DGKI: variants seen among roughly 807,000 people sequenced by gnomAD.
DGKI encodes DAG kinase iota.
In DGKI, 55 loss-of-function variants were observed where a neutral mutation model predicts 147.5. The observed-to-expected ratio is 0.37, with a 90% CI of 0.30 to 0.47. The LOEUF (loss-of-function observed/expected upper bound fraction) is 0.47, where lower values mean the gene tolerates loss of function less well. Among genes scored for constraint, DGKI ranks in the 20% least tolerant of loss-of-function variants. The pLI is 1.00. For synonymous variants in DGKI, 469 were observed against 477.1 expected (o/e 0.98, Z 0.22); for missense variants, 1,007 against 1,323.8 (o/e 0.76, Z 3.71).
At chr7:137,748,996 T>C (rs2116746573) in intron 1 of DGKI, among the ~76,000 whole-genome samples, 1 of 152,348 alleles carries the variant, frequency 6.6e-6, no homozygotes, top group Non-Finnish European at 1.5e-5. Context: ...TAACAGCAAC[T>C]GGTGATTATA....
intron 1 of DGKI, chr7:137,721,991 C>T (rs561075929): frequency 2.8e-5 from 44 of 1,549,266 alleles, no homozygotes; most frequent in African/African-American, 1.4e-4. Context: ...TGCAAGATGG[C>T]GGGTGAAAAA....
chr7:137,593,973 G>A (rs1819704337), intron 12 of DGKI, among the ~76,000 whole-genome samples: 1 of 152,158 alleles, frequency 6.6e-6, no homozygotes, highest in South Asian at 2.1e-4. Flanking sequence ...AAAGGTCACA[G>A]AAATGAGAGC....
At chr7:137,628,421 G>A (rs571712909) in intron 6 of DGKI, among the ~76,000 whole-genome samples, 37 of 152,272 alleles carry the variant, frequency 2.4e-4, no homozygotes, top group African/African-American at 8.7e-4. Context: ...CTAACACAGA[G>A]ACATAAATAG....
chr7:137,752,629 T>C (rs1302699608), intron 1 of DGKI, among the ~76,000 whole-genome samples: 5 of 152,204 alleles, frequency 3.3e-5, no homozygotes, highest in Non-Finnish European at 7.3e-5. Flanking sequence ...TGAAAATCCC[T>C]GTCCTGTTCT....
At chr7:137,540,941 T>C (rs1563075888) in intron 20 of DGKI, among the ~76,000 whole-genome samples, 1 of 152,014 alleles carries the variant, frequency 6.6e-6, no homozygotes, top group African/African-American at 2.4e-5. Flanking sequence ...CTCAACACAG[T>C]AAAGATATCA....
chr7:137,406,391 A>C (rs1176316962), intron 30 of DGKI, among the ~76,000 whole-genome samples: 2 of 152,146 alleles, frequency 1.3e-5, no homozygotes, highest in African/African-American at 2.4e-5. Context: ...AATACATCCT[A>C]TCTACCTAGG....
intron 1 of DGKI, among the ~76,000 whole-genome samples, chr7:137,767,457 AAAGAG>A (rs1796044939): frequency 1.8e-5 from 2 of 111,122 alleles, no homozygotes; most frequent in Admixed American, 9.4e-5. Context: ...AAGAGTTCCA[AAAGAG>A]AAGAGAAGGG....
At chr7:137,770,273 A>G (rs1399887521) in intron 1 of DGKI, among the ~76,000 whole-genome samples, 1 of 152,060 alleles carries the variant, frequency 6.6e-6, no homozygotes, top group Admixed American at 6.5e-5. Flanking sequence ...CAATGAGAAC[A>G]CATGGACACA....
intron 30 of DGKI, among the ~76,000 whole-genome samples, chr7:137,403,658 T>C (rs1188011244): frequency 6.6e-6 from 1 of 152,206 alleles, no homozygotes; most frequent in Admixed American, 6.5e-5. Flanking sequence ...TTGCTATTAC[T>C]AAAGGCATCC....
Position 137,577,243 on chromosome 7 carries a change from T to C in DGKI, c.1740A>G (p.Leu580=), listed in dbSNP as rs1819016056. ...TTACAACAACTTTAACATGTTTGGA[T>C]AGATCTCTAGAACTTCTCTGTAGGA... ...SDFLQRSSRD[L]SKHVKVVCDG... is the part of the protein sequence containing the mutation. The change falls in exon 17 of 33, where the codon CTA becomes CTG. Residue 580 remains leucine, a synonymous_variant. Coordinates refer to ENST00000614521, the MANE Select transcript of DGKI (RefSeq NM_001321708.2). The C allele has an allele frequency of 2.5e-6, 4 of 1,599,152 alleles. No homozygotes were observed. In the South Asian group the frequency reaches 3.4e-5, roughly 13 times the overall value.
rs1811342770 is a variant in DGKI at position 137,391,077 on chromosome 7, G to T, written c.*143C>A. The T allele has an allele frequency of 1.4e-6, 1 of 713,038 alleles. No homozygotes were observed. Among genetic ancestry groups the T allele is most frequent in the Admixed American group, 2.1e-5 (1 of 48,564 alleles). 44.2% of individuals were successfully genotyped at this position (713,038 alleles called of 1,614,324 possible). On this transcript the variant is annotated 3_prime_UTR_variant, in exon 33 of 33. Transcript: ENST00000614521. Reference sequence around the variant, plus strand: ...TTGTACATCTTGGTAGCCCTTAAAAGCTAGTGGCATGGTCTCAGGTAGATT... The same window carrying T: ...TTGTACATCTTGGTAGCCCTTAAAATCTAGTGGCATGGTCTCAGGTAGATT...
chr7:137,611,561 C>T (rs746506107), intron 8 of DGKI, among the ~76,000 whole-genome samples: 12 of 152,058 alleles, frequency 7.9e-5, no homozygotes, highest in Admixed American at 2.0e-4. Context: ...AGATCAGTGA[C>T]CTTGGCCAAG....
At position 137,846,497 on chromosome 7, in the gene DGKI, C is replaced by A. The variant is rs941903997; in HGVS notation, c.366G>T (p.Leu122=). ...KEKDEALEEK[L]RNLTFRKQVS... ...CCTGCTTCCGGAAAGTTAAGTTCCT[C>A]AGCTTCTCCTCCAGCGCTTCGTCCT... Residue 122 remains leucine (L), a synonymous_variant, in exon 1 of 33, where the codon CTG becomes CTT. Transcript: ENST00000614521. This position sits in a 1 kb window ranked among gnomAD's most constrained non-coding sequence, Gnocchi z 4.0. The A allele has an allele frequency of 6.3e-7, 1 of 1,591,492 alleles. No individual in the cohort carries two copies. The highest frequency in any genetic ancestry group is 8.5e-7 in the Non-Finnish European group (1 of 1,171,218).
intron 10 of DGKI, among the ~76,000 whole-genome samples, chr7:137,603,328 A>C (rs1820060260): frequency 6.6e-6 from 1 of 152,338 alleles, no homozygotes; most frequent in African/African-American, 2.4e-5. Flanking sequence ...AAACTCTGCT[A>C]TGTTACTAAG....
At position 137,754,901 on chromosome 7, in the gene DGKI, C is replaced by A. The variant is rs145618854; in HGVS notation, c.402-64899G>T. Among the ~76,000 whole-genome samples the A allele has an allele frequency of 3.3e-5, 5 of 152,234 alleles. No homozygotes were observed. The East Asian group carries it at 9.7e-4, about 29-fold the overall frequency. ...TGGGAGCAAAATTTAAAATATCACA[C>A]GTGATGGAACTTTCAGGGTTGTTTG... On this transcript the variant is annotated intron_variant, in intron 1 of 32. Coordinates refer to ENST00000614521, the MANE Select transcript of DGKI (RefSeq NM_001321708.2).
At chr7:137,684,608 C>CCG (rs1442393008) in intron 2 of DGKI, among the ~76,000 whole-genome samples, 1 of 152,126 alleles carries the variant, frequency 6.6e-6, no homozygotes, top group Non-Finnish European at 1.5e-5. Context: ...AAAAACTCCC[C>CCG]CGTTCTCAGA....
chr7:137,576,027 T>A (rs1470228414), intron 17 of DGKI, among the ~76,000 whole-genome samples: 2 of 149,060 alleles, frequency 1.3e-5, no homozygotes, highest in Non-Finnish European at 2.9e-5. Flanking sequence ...TTGTCAAAAT[T>A]AATCTTTTTC....
chr7:137,511,283 C>A (rs533659999), intron 21 of DGKI, among the ~76,000 whole-genome samples: 6 of 152,212 alleles, frequency 3.9e-5, no homozygotes, highest in Admixed American at 3.9e-4. Context: ...CTGACTATAG[C>A]GTCAGACTAG....
chr7:137,641,712 G>A (rs1325442354), intron 6 of DGKI, among the ~76,000 whole-genome samples: 1 of 152,190 alleles, frequency 6.6e-6, no homozygotes, highest in African/African-American at 2.4e-5. Flanking sequence ...GATATTCAAT[G>A]TGTATACTGC....
Sources: allele counts gnomAD v4.1 joint callset (sites outside exome capture counted in the v4.1 genomes callset), GRCh38; gene constraint gnomAD v4.1.1; non-coding constraint Gnocchi (gnomAD v3.1); transcripts MANE v1.5; gene names NCBI Gene and HGNC (gene_info 2026-07-23, HGNC 2026-07-21).